YLPM1: variants seen among roughly 807,000 people sequenced by gnomAD.
YLPM1 encodes YLP motif containing 1.
A neutral mutation model predicts 230.0 loss-of-function variants in YLPM1; 99 were observed. The ratio of observed to expected loss-of-function variants is 0.43; its 90% confidence interval spans 0.37 to 0.51. The LOEUF (loss-of-function observed/expected upper bound fraction) is 0.51, where lower values mean the gene tolerates loss of function less well. YLPM1 is among the 20% of genes least tolerant of loss of function. The pLI, the probability that YLPM1 is intolerant of heterozygous loss-of-function variation, is 0.00. For synonymous variants in YLPM1, 984 were observed against 942.5 expected, an observed-to-expected ratio of 1.04 and a Z score of -0.81; for missense variants, 2,592 against 2,707.7, an observed-to-expected ratio of 0.96 and a Z score of 0.95.
intron 17 of YLPM1, among the ~76,000 whole-genome samples, chr14:74,822,476 G>A (rs1473966521): frequency 6.6e-6 from 1 of 152,058 alleles, no homozygotes; most frequent in Non-Finnish European, 1.5e-5. Context: ...ATGGCAAGGA[G>A]GCCTTAAAAT....
intron 16 of YLPM1, among the ~76,000 whole-genome samples, chr14:74,819,384 C>T (rs1282296235): frequency 6.6e-6 from 1 of 151,168 alleles, no homozygotes; most frequent in African/African-American, 2.4e-5. Context: ...AGGCGATTCT[C>T]CTGCCTCAGC....
At position 74,824,283 on chromosome 14, in the gene YLPM1, A is replaced by G; in HGVS notation, c.6139A>G (p.Met2047Val). Residue 2047 changes from methionine (M) to valine (V), a missense_variant, in exon 18 of 21, where the codon ATG (methionine) becomes GTG (valine). Physicochemically the swap from Met to Val is conservative, Grantham distance 21. This residue lies in a region of YLPM1 where 315 missense variants were observed against 429.3 expected (regional missense o/e 0.73). Coordinates refer to ENST00000325680, the MANE Select transcript of YLPM1 (RefSeq NM_019589.3). ...TTACATTCCGAAAAGCAAATGGGAGATGGACACATCTGAGGCAAAGCTAGG... is the reference window on the plus strand; with the variant it reads ...TTACATTCCGAAAAGCAAATGGGAGGTGGACACATCTGAGGCAAAGCTAGG... ...LGYIPKSKWE[M>V]DTSEAKLDKL... 6.2e-7 allele frequency: 1 copy of G among 1,612,358 alleles called. No individual in the cohort carries two copies. Among genetic ancestry groups the G allele is most frequent in the Non-Finnish European group, 8.5e-7 (1 of 1,178,854 alleles).
rs1227158934 is a variant in YLPM1 at position 74,799,324 on chromosome 14, T to G, written c.4027T>G (p.Leu1343Val). ...ACCGCCCCTCCCACCTCTTCCACCT[T>G]TGGATAGATATCGGGATGATAGATG... ...PLPPLPPLPP[L>V]DRYRDDRWRE... The change falls in exon 5 of 21, where the codon TTG (leucine) becomes GTG (valine). Residue 1343 changes from leucine (L) to valine (V), a missense_variant. By Grantham distance (32) the Leu-to-Val change is conservative. Around this residue, in one of 4 missense-constraint regions of YLPM1, gnomAD observed 1,862 missense variants for 1,819.8 expected, o/e 1.02. Transcript: ENST00000325680. 1 of 1,613,988 alleles carries G rather than the reference T, an allele frequency of 6.2e-7. No homozygotes were observed. The highest frequency in any genetic ancestry group is 1.1e-5 in the South Asian group (1 of 91,084).
rs771845934 is a variant in YLPM1, at chr14:74,781,320, C to T, written c.1291-14C>T. The T allele has an allele frequency of 5.3e-5, 80 of 1,514,040 alleles. No homozygotes were observed. The highest frequency in any genetic ancestry group is 1.7e-4 in the Middle Eastern group (1 of 5,728). The allele number at this position is 1,514,040 out of a possible 1,614,324, so 93.8% of individuals were successfully genotyped here. A position where few individuals can be genotyped will look rare whatever the true frequency, so the allele number is the denominator to read the frequency against. ...ATGAATGGTTTTAAATAGTTTTTAT[C>T]CCTTTATTTGTAGACCATGTCTGTA... On this transcript the variant is annotated splice_polypyrimidine_tract_variant and intron_variant, in intron 3 of 20. Coordinates refer to ENST00000325680, the MANE Select transcript of YLPM1 (RefSeq NM_019589.3).
At chr14:74,805,726 C>T (rs531577364) in intron 6 of YLPM1, among the ~76,000 whole-genome samples, 8 of 127,720 alleles carry the variant, frequency 6.3e-5, no homozygotes, top group East Asian at 2.3e-4. Flanking sequence ...TTTTTTGAAA[C>T]GGAATGTAGT....
intron 18 of YLPM1, among the ~76,000 whole-genome samples, chr14:74,826,750 T>G (rs1446204709): frequency 1.3e-5 from 2 of 152,216 alleles, no homozygotes; most frequent in African/African-American, 4.8e-5. Context: ...TGGCCCACCT[T>G]CAGTCCCACC....
At chr14:74,835,592 C>A in intron 20 of YLPM1, 145 bp downstream of exon 20, 2 of 719,866 alleles carry the variant, frequency 2.8e-6, no homozygotes, top group Non-Finnish European at 4.4e-6. Context: ...TAGTTGTTAA[C>A]ATTTACAATA....
intron 1 of YLPM1, among the ~76,000 whole-genome samples, chr14:74,774,200 T>G (rs1416731561): frequency 6.6e-6 from 1 of 152,242 alleles, no homozygotes; most frequent in Non-Finnish European, 1.5e-5. Flanking sequence ...AAAGTTTACA[T>G]TAGGCAAAGT....
At chr14:74,775,010 T>C (rs949117503) in intron 1 of YLPM1, among the ~76,000 whole-genome samples, 1 of 152,168 alleles carries the variant, frequency 6.6e-6, no homozygotes, top group Admixed American at 6.5e-5. Context: ...CACACCACCA[T>C]AAAGTCGAAA....
chr14:74,797,148 ATT>A (rs71303895), intron 4 of YLPM1, among the ~76,000 whole-genome samples: 24 of 100,770 alleles, frequency 2.4e-4, no homozygotes, highest in Middle Eastern at 5.7e-3. Flanking sequence ...AAATTTTTGT[ATT>A]TTTTTTTTTT....
chr14:74,824,204 C>G, intron 17 of YLPM1, 52 bp from the exon 18 acceptor site: 2 of 1,562,444 alleles, frequency 1.3e-6, no homozygotes, highest in Non-Finnish European at 1.8e-6. Flanking sequence ...ACGTGATATG[C>G]ATGTATGTGT....
At chr14:74,785,884 TG>T (rs1290519497) in intron 4 of YLPM1, among the ~76,000 whole-genome samples, 1 of 152,178 alleles carries the variant, frequency 6.6e-6, no homozygotes, top group Admixed American at 6.5e-5. Flanking sequence ...GGAGCTGTTT[TG>T]ACACTGTGTA....
chr14:74,814,453 A>G (rs898557163), intron 11 of YLPM1, among the ~76,000 whole-genome samples: 1 of 152,178 alleles, frequency 6.6e-6, no homozygotes, highest in African/African-American at 2.4e-5. Flanking sequence ...AGTTTGTTGA[A>G]TGTTTTTATC....
At chr14:74,813,470 C>T (rs926500790) in intron 11 of YLPM1, among the ~76,000 whole-genome samples, 9 of 151,928 alleles carry the variant, frequency 5.9e-5, no homozygotes, top group African/African-American at 1.9e-4. Context: ...TCTTCACCAT[C>T]CTTGCAAGGG....
chr14:74,816,531 C>A, intron 12 of YLPM1, 40 bp from the exon 13 acceptor site: 1 of 1,574,016 alleles, frequency 6.4e-7, no homozygotes, highest in Non-Finnish European at 8.6e-7. Flanking sequence ...TAATTTATTC[C>A]ATAAATTCGT....
chr14:74,782,747 A>G (rs924160188), intron 4 of YLPM1, among the ~76,000 whole-genome samples: 6 of 152,234 alleles, frequency 3.9e-5, no homozygotes, highest in Non-Finnish European at 1.5e-5. Flanking sequence ...GGCTTGAGGC[A>G]GTGAAATTTA....
chr14:74,781,466 C>T lies in YLPM1; in HGVS notation c.1423C>T (p.Leu475Phe). 1 of 1,613,398 alleles carries T rather than the reference C, an allele frequency of 6.2e-7. No individual in the cohort carries two copies. Among genetic ancestry groups the T allele is most frequent in the Non-Finnish European group, 8.5e-7 (1 of 1,179,604 alleles). ...CCATTCCTATCCTCATAAAGATCAG[C>T]TTCAGGAGTATGAGAAGCAGTGGAA... ...QLHSYPHKDQ[L>F]QEYEKQWKTW... The change falls in exon 4 of 21, where the codon CTT (leucine) becomes TTT (phenylalanine). Residue 475 changes from leucine to phenylalanine, a missense_variant. Physicochemically the swap from Leu to Phe is conservative, Grantham distance 22. This residue lies in a region of YLPM1 where 1,862 missense variants were observed against 1,819.8 expected (regional missense o/e 1.02). Transcript: ENST00000325680.
At chr14:74,822,151 C>G (rs1256575562) in intron 17 of YLPM1, 1 of 151,844 alleles carries the variant, frequency 6.6e-6, no homozygotes, top group Non-Finnish European at 1.5e-5. Context: ...TTTTTTAAAT[C>G]TAGTTTTCTT....
intron 5 of YLPM1, among the ~76,000 whole-genome samples, chr14:74,802,173 G>C (rs1021818449): frequency 6.7e-6 from 1 of 149,108 alleles, no homozygotes; most frequent in Non-Finnish European, 1.5e-5. Flanking sequence ...AGCTGAGATC[G>C]CGCCATTGCA....
Sources: gnomAD v4.1 joint callset for allele counts (sites outside exome capture counted in the v4.1 genomes callset) on GRCh38, gnomAD v4.1.1 for gene constraint, gnomAD v4.1.1 regional missense constraint, MANE v1.5 for transcripts, NCBI Gene and HGNC (gene_info 2026-07-23, HGNC 2026-07-21) for gene names.